Variants in STX8 observed in about 807,000 individuals in gnomAD.
STX8 encodes the protein syntaxin-8.
In STX8, 23 loss-of-function variants were observed where a neutral mutation model predicts 37.5. That is an observed-to-expected ratio of 0.61 (90% CI 0.44 to 0.87). The LOEUF is 0.87. Among genes scored for constraint, STX8 ranks in the 40% least tolerant of loss-of-function variants. STX8 has a pLI of 0.00. For missense variants in STX8, 313 were observed against 284.7 expected, an observed-to-expected ratio of 1.10 and a Z score of -0.71; for synonymous variants, 115 against 99.1, an observed-to-expected ratio of 1.16 and a Z score of -0.95.
At chr17:9,431,813 C>G (rs888945745) in intron 6 of STX8, among the ~76,000 whole-genome samples, 3 of 152,192 alleles carry the variant, frequency 2.0e-5, no homozygotes, top group Non-Finnish European at 2.9e-5. Flanking sequence ...TCTCCAAATA[C>G]AGGTCAAGGC....
chr17:9,557,634 G>C (rs1907032539), intron 2 of STX8, 106 bp from the exon 3 acceptor site: 1 of 942,216 alleles, frequency 1.1e-6, no homozygotes, highest in African/African-American at 1.6e-5. Flanking sequence ...ACCAAGCAAG[G>C]GCTGGAAGAG....
At chr17:9,328,733 C>A (rs993601131) in intron 7 of STX8, among the ~76,000 whole-genome samples, 1 of 152,128 alleles carries the variant, frequency 6.6e-6, no homozygotes, top group Admixed American at 6.6e-5. Flanking sequence ...TATAAAATGT[C>A]ATTCCTTCAG....
intron 6 of STX8, among the ~76,000 whole-genome samples, chr17:9,384,173 C>T (rs183517191): frequency 1.0e-3 from 153 of 150,772 alleles, no homozygotes; most frequent in Non-Finnish European, 1.9e-3. Flanking sequence ...AGAGAGAACA[C>T]GGTATTTTAA....
At chr17:9,555,713 G>A (rs1056399216) in intron 3 of STX8, 2 of 152,170 alleles carry the variant, frequency 1.3e-5, no homozygotes, top group African/African-American at 2.4e-5. Flanking sequence ...TAGCTAACAT[G>A]GTGAAACCCC....
At chr17:9,466,262 C>T (rs568909083) in intron 6 of STX8, among the ~76,000 whole-genome samples, 9 of 152,336 alleles carry the variant, frequency 5.9e-5, no homozygotes, top group African/African-American at 1.4e-4. Context: ...TGAGCCATCA[C>T]GCCCAGCTAT....
chr17:9,379,645 T>C (rs1339005262), intron 6 of STX8, among the ~76,000 whole-genome samples: 3 of 152,128 alleles, frequency 2.0e-5, no homozygotes, highest in African/African-American at 7.2e-5. Context: ...GCTTGAGGGA[T>C]CTTTTAGTAA....
intron 7 of STX8, among the ~76,000 whole-genome samples, chr17:9,335,839 ACACACACACT>A (rs1309522318): frequency 1.3e-5 from 2 of 148,912 alleles, no homozygotes; most frequent in African/African-American, 4.9e-5. Flanking sequence ...GTAGACACAC[ACACACACACT>A]CACACTCACG....
Position 9,417,518 on chromosome 17 carries a change from T to C in STX8, c.542-38865A>G, listed in dbSNP as rs371395739. ...ACAAAGCTCCTAAAACTCTTGTGAT[T>C]TCCTTACTAATAGGAGTGTCTTTTG... On this transcript the variant is annotated intron_variant, in intron 6 of 7. Coordinates refer to ENST00000306357, the MANE Select transcript of STX8 (RefSeq NM_004853.3). Among the ~76,000 whole-genome samples, 18 of 152,282 alleles carry C rather than the reference T, an allele frequency of 1.2e-4. 1 individual carries two copies. The South Asian group carries it at 3.7e-3, about 32-fold the overall frequency.
At chr17:9,253,044 C>T (rs763728835) in intron 7 of STX8, among the ~76,000 whole-genome samples, 5 of 152,246 alleles carry the variant, frequency 3.3e-5, no homozygotes, top group Admixed American at 6.5e-5. Context: ...AGCATCAGTT[C>T]GCCCACTTAG....
At chr17:9,331,766 TTC>T (rs1197550753) in intron 7 of STX8, among the ~76,000 whole-genome samples, 3 of 152,146 alleles carry the variant, frequency 2.0e-5, no homozygotes, top group African/African-American at 4.8e-5. Context: ...CCTCCGCCTG[TTC>T]TCTCTCTCCC....
intron 7 of STX8, among the ~76,000 whole-genome samples, chr17:9,320,941 G>A (rs1264346096): frequency 2.0e-5 from 3 of 147,424 alleles, no homozygotes; most frequent in South Asian, 4.4e-4. Flanking sequence ...TCCCAACGGG[G>A]CCTCCAAAAA....
At chr17:9,323,494 GA>G (rs1410671792) in intron 7 of STX8, among the ~76,000 whole-genome samples, 2 of 152,076 alleles carry the variant, frequency 1.3e-5, no homozygotes, top group African/African-American at 2.4e-5. Context: ...CCAGGCAAAG[GA>G]AAGTGAGAAA....
intron 1 of STX8, among the ~76,000 whole-genome samples, chr17:9,574,717 A>T (rs1907827698): frequency 6.6e-6 from 1 of 152,262 alleles, no homozygotes; most frequent in South Asian, 2.1e-4. Flanking sequence ...TATTTTTAGT[A>T]GAGACGGGGT....
At chr17:9,444,844 AGAATT>A (rs1255335071) in intron 6 of STX8, among the ~76,000 whole-genome samples, 1 of 152,194 alleles carries the variant, frequency 6.6e-6, no homozygotes, top group Non-Finnish European at 1.5e-5. Flanking sequence ...ACCCCGGAAA[AGAATT>A]GAAACAGACT....
chr17:9,401,724 C>T (rs181961579), intron 6 of STX8, among the ~76,000 whole-genome samples: 7 of 152,264 alleles, frequency 4.6e-5, no homozygotes, highest in Admixed American at 3.3e-4. Flanking sequence ...AGATCTCTGA[C>T]GAAGCCCAGA....
At chr17:9,434,073 G>C (rs192679110) in intron 6 of STX8, among the ~76,000 whole-genome samples, 1 of 151,950 alleles carries the variant, frequency 6.6e-6, no homozygotes, top group Non-Finnish European at 1.5e-5. Context: ...GCGCAATCTC[G>C]GCTCACTGCA....
intron 6 of STX8, among the ~76,000 whole-genome samples, chr17:9,471,901 T>C (rs1441905734): frequency 6.6e-6 from 1 of 152,204 alleles, no homozygotes; most frequent in East Asian, 1.9e-4. Flanking sequence ...TGAGGATAAC[T>C]ACAGTCCATT....
intron 7 of STX8, among the ~76,000 whole-genome samples, chr17:9,265,320 C>T (rs754604411): frequency 2.0e-5 from 3 of 152,340 alleles, no homozygotes; most frequent in Admixed American, 1.3e-4. Context: ...AGAGCTCACC[C>T]TCTTGAAACA....
intron 6 of STX8, among the ~76,000 whole-genome samples, chr17:9,414,916 G>A (rs1264257410): frequency 2.0e-5 from 3 of 149,724 alleles, no homozygotes; most frequent in South Asian, 4.3e-4. Flanking sequence ...TCAGCCTCCC[G>A]AGTAGCTGGG....
Sources: allele counts gnomAD v4.1 joint callset (sites outside exome capture counted in the v4.1 genomes callset), GRCh38; gene constraint gnomAD v4.1.1; transcripts MANE v1.5; gene names NCBI Gene and HGNC (gene_info 2026-07-23, HGNC 2026-07-21).